Variants in ZFYVE26 observed in about 807,000 individuals in gnomAD.
ZFYVE26 encodes the protein zinc finger FYVE-type containing 26.
ZFYVE26 carries 181 observed loss-of-function variants against 276.5 expected under a neutral mutation model. The ratio of observed to expected loss-of-function variants is 0.65; its 90% CI spans 0.58 to 0.74. The LOEUF (loss-of-function observed/expected upper bound fraction) is 0.74. ZFYVE26 is among the 30% of genes least tolerant of loss of function. The probability of loss-of-function intolerance (pLI) is 0.00; values close to 1 mark genes in which losing one functional copy is unlikely to be tolerated. For synonymous variants in ZFYVE26, 1,129 were observed against 1,203.1 expected, an observed-to-expected ratio of 0.94 and a Z score of 1.27; for missense variants, 2,821 against 3,097.9, an observed-to-expected ratio of 0.91 and a Z score of 2.12.
chr14:67,809,297 A>T lies in ZFYVE26; in HGVS notation c.274-8T>A, dbSNP rs1289404757. The T allele has an allele frequency of 6.3e-7, 1 of 1,599,858 alleles. No individual in the cohort carries two copies. Among genetic ancestry groups the T allele is most frequent in the Non-Finnish European group, 8.6e-7 (1 of 1,167,340 alleles). On this transcript the variant is annotated splice_region_variant and splice_polypyrimidine_tract_variant and intron_variant, in intron 3 of 41. Transcript: ENST00000347230. ...AACAACTGGGAGTAACTTCTAGAAG[A>T]ATCAAAAGAATGAAGCATAGAGATG... is the stretch of plus-strand genomic sequence containing the variant.
In ZFYVE26 at chr14:67,805,544, G is replaced by A. The variant is rs566685704; in HGVS notation, c.1092C>T (p.Pro364=). The stretch of plus-strand genomic sequence containing the variant: ...CCAGGAGTACAAGCAGGCAACTGAG[G>A]GGCCTGAATTCTCTATCAAGTAGGC... ...LGCLLDREFR[P]LSCLLVLLGW... The change falls in exon 7 of 42, where the codon CCC becomes CCT. Residue 364 remains proline (P), a synonymous_variant. Transcript: ENST00000347230. 8 of 1,614,062 alleles carry A rather than the reference G, an allele frequency of 5.0e-6. No homozygotes were observed. The highest frequency in any genetic ancestry group is 6.8e-6 in the Non-Finnish European group (8 of 1,180,048).
At position 67,758,053 on chromosome 14, in the gene ZFYVE26, G is replaced by A. The variant is rs375555842; in HGVS notation, c.6589-1908C>T. The stretch of plus-strand genomic sequence containing the variant: ...TTTACTACTGTATCCTTAGTGCCCA[G>A]AATAGTCCTTGGCTATTTAATAATC... On this transcript the variant is annotated intron_variant, in intron 35 of 41. Transcript: ENST00000347230. Among the ~76,000 whole-genome samples, 192 of 152,244 alleles carry A rather than the reference G, an allele frequency of 1.3e-3. 1 individual carries two copies. Among genetic ancestry groups the A allele is most frequent in the Middle Eastern group, 0.01 (3 of 294 alleles).
chr14:67,757,666 CTT>C (rs1566865350), intron 35 of ZFYVE26, among the ~76,000 whole-genome samples: 3 of 146,072 alleles, frequency 2.1e-5, no homozygotes, highest in Non-Finnish European at 3.0e-5. Context: ...TTCTTTCTTT[CTT>C]TCTTTCTTTC....
intron 40 of ZFYVE26, 124 bp from the exon 41 acceptor site, chr14:67,751,220 T>C: frequency 9.2e-7 from 1 of 1,085,412 alleles, no homozygotes; most frequent in Non-Finnish European, 1.4e-6. Context: ...TGACTTTTTT[T>C]TTCTCAAAGA....
chr14:67,749,530 T>C (rs1383294076), intron 41 of ZFYVE26, among the ~76,000 whole-genome samples: 1 of 152,184 alleles, frequency 6.6e-6, no homozygotes, highest in East Asian at 1.9e-4. Context: ...CTTCATAAGC[T>C]GCCACAGAGC....
chr14:67,754,546 G>C (rs372255205), intron 37 of ZFYVE26, among the ~76,000 whole-genome samples: 12 of 152,318 alleles, frequency 7.9e-5, no homozygotes, highest in East Asian at 5.8e-4. Context: ...GGCTGGAAGA[G>C]AAATGAATAG....
chr14:67,756,274 A>G lies in ZFYVE26; in HGVS notation c.6589-129T>C. ...CCAATGCAGTGCTTCTTAATCTTTT[A>G]TGTGTCACAGATACCTTTGAGAATC... On this transcript the variant is annotated intron_variant, in intron 35 of 41. Coordinates refer to ENST00000347230, the MANE Select transcript of ZFYVE26 (RefSeq NM_015346.4). 4 of 949,870 alleles carry G rather than the reference A, an allele frequency of 4.2e-6. No homozygotes were observed. The South Asian group carries it at 5.2e-5, about 12-fold the overall frequency. The allele number at this position is 949,870 out of a possible 1,614,324, so 58.8% of individuals were successfully genotyped here. A position where few individuals can be genotyped will look rare whatever the true frequency, so the allele number is the denominator to read the frequency against.
intron 10 of ZFYVE26, chr14:67,799,748 G>C: frequency 1.4e-6 from 1 of 691,382 alleles, no homozygotes; most frequent in East Asian, 2.5e-5. Flanking sequence ...GATTGACTAG[G>C]CCAAGCAGAA....
At chr14:67,791,715 GTAAAATATCATGGGACTCCTAGC>G (rs1286481208) in intron 14 of ZFYVE26, among the ~76,000 whole-genome samples, 1 of 151,764 alleles carries the variant, frequency 6.6e-6, no homozygotes, top group African/African-American at 2.4e-5. Context: ...ACATTTAGGG[GTAAAATATCATGGGACTCCTAGC>G]TAAATTCCTC....
intron 14 of ZFYVE26, among the ~76,000 whole-genome samples, chr14:67,728,932 AT>A (rs1431641362): frequency 6.6e-6 from 1 of 152,232 alleles, no homozygotes; most frequent in East Asian, 1.9e-4. Context: ...AAGCCACAGT[AT>A]AAAAACGACA....
In ZFYVE26 at chr14:67,748,332, A is replaced by G; in HGVS notation, c.*104T>C. ...TCCAACTCTTTCCAACCTAGGGCAG[A>G]GCCAGAGAAGTCCCACTCCACTGGA... is the stretch of plus-strand genomic sequence containing the variant. On this transcript the variant is annotated 3_prime_UTR_variant, in exon 42 of 42. Transcript: ENST00000347230. 1.5e-6 allele frequency: 2 copies of G among 1,306,972 alleles called. No homozygotes were observed. Among genetic ancestry groups the G allele is most frequent in the Non-Finnish European group, 2.1e-6 (2 of 942,910 alleles). 81.0% of individuals were successfully genotyped at this position (1,306,972 alleles called of 1,614,324 possible).
In ZFYVE26 at chr14:67,762,153, T is replaced by A. The variant is rs745877660; in HGVS notation, c.6369+50A>T. On this transcript the variant is annotated intron_variant, in intron 34 of 41. Transcript: ENST00000347230. The stretch of plus-strand genomic sequence containing the variant: ...TGATTCTTTTCCCAGGTCATTGCTA[T>A]TCCTGGGTCTCCCTCCCTGAGCCAG... The A allele has an allele frequency of 1.3e-5, 21 of 1,573,238 alleles. No individual in the cohort carries two copies. The East Asian group carries it at 4.7e-4, about 35-fold the overall frequency.
Position 67,755,471 on chromosome 14 carries a change from C to T in ZFYVE26, c.6787-221G>A, listed in dbSNP as rs115440667. Among the ~76,000 whole-genome samples, 2,311 of 152,202 alleles carry T rather than the reference C, an allele frequency of 0.015. 40 individuals carry two copies. Among genetic ancestry groups the T allele is most frequent in the African/African-American group, 0.043 (1,803 of 41,512 alleles). On this transcript the variant is annotated intron_variant, in intron 36 of 41. Transcript: ENST00000347230. ...CTTGGGTAGGACATTATTCCACCAC[C>T]GAAGAGATGCTAAAAGAAGATATTT...
intron 13 of ZFYVE26, among the ~76,000 whole-genome samples, chr14:67,737,422 GGA>G (rs1265382039): frequency 1.3e-5 from 2 of 152,166 alleles, no homozygotes; most frequent in East Asian, 3.9e-4. Context: ...TAAGGTGGCA[GGA>G]GAGAGAGAGA....
rs1222526361 is a variant in ZFYVE26, at chr14:67,777,591, G to A, written c.4942C>T (p.Arg1648Cys). 17 of 1,613,998 alleles carry A rather than the reference G, an allele frequency of 1.1e-5. No individual in the cohort carries two copies. Among genetic ancestry groups the A allele is most frequent in the East Asian group, 2.2e-5 (1 of 44,892 alleles). The change falls in exon 25 of 42, where the codon CGT (arginine) becomes TGT (cysteine). Residue 1648 changes from arginine to cysteine, a missense_variant. Coordinates refer to ENST00000347230, the MANE Select transcript of ZFYVE26 (RefSeq NM_015346.4). ...CCCACATACAGCGCCTGGATTTCAC[G>A]GTGTCGGACAGCAGTCAGTTGTCCA... ...FYGQLTAVRH[R>C]EIQALYVGSK... is the part of the protein sequence containing the mutation.
In ZFYVE26 at chr14:67,775,083, G is replaced by A. The variant is rs772349907; in HGVS notation, c.5253C>T (p.His1751=). 6.2e-7 allele frequency: 1 copy of A among 1,611,790 alleles called. No individual in the cohort carries two copies. Among genetic ancestry groups the A allele is most frequent in the South Asian group, 1.1e-5 (1 of 90,228 alleles). The change falls in exon 27 of 42, where the codon CAC becomes CAT. Residue 1751 remains histidine (H), a synonymous_variant. Coordinates refer to ENST00000347230, the MANE Select transcript of ZFYVE26 (RefSeq NM_015346.4). The part of the protein sequence containing the change: ...DSVIHLQEIV[H]QAADPETLPR... ...GGAGGGTCTCGGGATCTGCAGCCTGGTGGACAATTTCTTGGAGGTGAATCA... is the reference window on the plus strand; with the variant it reads ...GGAGGGTCTCGGGATCTGCAGCCTGATGGACAATTTCTTGGAGGTGAATCA...
chr14:67,780,105 C>T (rs1432250722), intron 23 of ZFYVE26, 136 bp downstream of exon 23: 10 of 852,230 alleles, frequency 1.2e-5, no homozygotes, highest in East Asian at 5.5e-5. Flanking sequence ...GTGAGCCGCC[C>T]GCCTCGGCCA....
intron 30 of ZFYVE26, 110 bp downstream of exon 30, chr14:67,768,407 G>C (rs1171709512): frequency 5.6e-6 from 7 of 1,248,716 alleles, no homozygotes; most frequent in Non-Finnish European, 8.2e-6. Flanking sequence ...CAAACAAGTT[G>C]GATGGAGTGC....
Position 67,755,928 on chromosome 14 carries a change from C to T in ZFYVE26, c.6786+20G>A. On this transcript the variant is annotated intron_variant, in intron 36 of 41. Transcript: ENST00000347230. ...GGGCACCAGCAACAGAGGTAGAAGG[C>T]AGGAAGGGGCTGCCATTACCTTCAT... The T allele has an allele frequency of 6.2e-7, 1 of 1,614,076 alleles. No homozygotes were observed. Among genetic ancestry groups the T allele is most frequent in the Non-Finnish European group, 8.5e-7 (1 of 1,179,928 alleles).
Sources: gnomAD v4.1 joint callset for allele counts (sites outside exome capture counted in the v4.1 genomes callset) on GRCh38, gnomAD v4.1.1 for gene constraint, MANE v1.5 for transcripts, NCBI Gene and HGNC (gene_info 2026-07-23, HGNC 2026-07-21) for gene names.